The following COL26A1 variants were observed in gnomAD, a reference collection of about 807,000 sequenced individuals.
COL26A1 encodes collagen alpha-1(XXVI) chain.
In COL26A1, 41 loss-of-function variants were observed where a neutral mutation model predicts 59.3. The ratio of observed to expected loss-of-function variants is 0.69; its 90% CI spans 0.54 to 0.90. The LOEUF is 0.90. COL26A1 is among the 40% of genes least tolerant of loss of function. The pLI is 0.00. For synonymous variants in COL26A1, 266 were observed against 256.0 expected (o/e 1.04, Z -0.37); for missense variants, 612 against 602.3 (o/e 1.02, Z -0.17).
intron 10 of COL26A1, among the ~76,000 whole-genome samples, chr7:101,551,425 T>C (rs1311077675): frequency 6.6e-6 from 1 of 152,200 alleles, no homozygotes; most frequent in Admixed American, 6.5e-5. Flanking sequence ...CTGTGTGGCC[T>C]GGGGCCATAG....
chr7:101,370,466 G>A (rs1047775272), intron 1 of COL26A1, among the ~76,000 whole-genome samples: 6 of 151,926 alleles, frequency 3.9e-5, no homozygotes, highest in African/African-American at 1.5e-4. Flanking sequence ...CGCTTCCCAG[G>A]TTGAAGCGAT....
At chr7:101,488,834 G>A (rs568577304) in intron 3 of COL26A1, among the ~76,000 whole-genome samples, 7 of 152,076 alleles carry the variant, frequency 4.6e-5, no homozygotes, top group Non-Finnish European at 8.8e-5. Flanking sequence ...CCTGTCTAGC[G>A]CACTCTTCCA....
intron 5 of COL26A1, among the ~76,000 whole-genome samples, chr7:101,540,347 G>C (rs1297331390): frequency 1.3e-5 from 2 of 152,060 alleles, no homozygotes; most frequent in Non-Finnish European, 2.9e-5. Flanking sequence ...AGACCAGCCT[G>C]GCCAACATGG....
rs1485410292 is a variant in COL26A1, at chr7:101,545,342, C to T, written c.708C>T (p.Leu236=). ...GEKGPAGPPG[L]LGPPGPRGLP... is the part of the protein sequence containing the mutation. ...CTGTTCTTTTCCTCATTGCAGGGCT[C>T]CTGGGGCCTCCAGGGCCCCGTGGGC... is the stretch of plus-strand genomic sequence containing the variant. The change falls in exon 7 of 13, where the codon CTC becomes CTT. Residue 236 remains leucine (L), a synonymous_variant. Coordinates refer to ENST00000313669, the MANE Select transcript of COL26A1 (RefSeq NM_001278563.3). 3.8e-6 allele frequency: 6 copies of T among 1,566,876 alleles called. No homozygotes were observed. Among genetic ancestry groups the T allele is most frequent in the Non-Finnish European group, 5.2e-6 (6 of 1,164,244 alleles).
intron 2 of COL26A1, among the ~76,000 whole-genome samples, chr7:101,422,384 A>G (rs1387812396): frequency 1.3e-5 from 2 of 151,726 alleles, no homozygotes; most frequent in Admixed American, 6.6e-5. Context: ...AAAAAAAAAA[A>G]AAAAAAAAAA....
chr7:101,382,259 G>A (rs1791466806), intron 1 of COL26A1, among the ~76,000 whole-genome samples: 2 of 152,078 alleles, frequency 1.3e-5, no homozygotes, highest in Admixed American at 1.3e-4. Flanking sequence ...ATCTTGTCCA[G>A]GCTGGTCTCA....
intron 1 of COL26A1, among the ~76,000 whole-genome samples, chr7:101,407,737 A>G (rs180781904): frequency 4.6e-5 from 7 of 152,026 alleles, no homozygotes; most frequent in Non-Finnish European, 7.4e-5. Flanking sequence ...CCCTAGCACC[A>G]TAACGATTTA....
chr7:101,454,265 TTTC>T (rs996118302), intron 3 of COL26A1, among the ~76,000 whole-genome samples: 5 of 123,912 alleles, frequency 4.0e-5, no homozygotes, highest in African/African-American at 1.3e-4. Flanking sequence ...TTTTCTTTTC[TTTC>T]TTTTTTTTTT....
chr7:101,554,592 T>C (rs1161438367), intron 11 of COL26A1, among the ~76,000 whole-genome samples: 1 of 100,276 alleles, frequency 1.0e-5, no homozygotes, highest in African/African-American at 4.1e-5. Flanking sequence ...AAAAAAAAAG[T>C]AATGAGACAG....
At chr7:101,499,165 G>A (rs1172088480) in intron 3 of COL26A1, among the ~76,000 whole-genome samples, 1 of 152,192 alleles carries the variant, frequency 6.6e-6, no homozygotes, top group Non-Finnish European at 1.5e-5. Flanking sequence ...GGCACTGGCT[G>A]ACCTGGGGAC....
chr7:101,445,731 C>CAAA (rs138245779), intron 2 of COL26A1, among the ~76,000 whole-genome samples: 87 of 38,366 alleles, frequency 2.3e-3, no homozygotes, highest in Non-Finnish European at 2.8e-3. Context: ...GACTCCGTCT[C>CAAA]AAAAAAAAAA....
rs1343194178 is a variant in COL26A1 at position 101,489,690 on chromosome 7, T to C, written c.385+41903T>C. 2.1e-4 allele frequency among the ~76,000 whole-genome samples: 2 copies of C among 9,668 alleles called. 1 individual carries two copies. The allele number at this position is 9,668 out of a possible 152,430, so 6.3% of individuals were successfully genotyped here. A position where few individuals can be genotyped will look rare whatever the true frequency, so the allele number is the denominator to read the frequency against. On this transcript the variant is annotated intron_variant, in intron 3 of 12. Transcript: ENST00000313669. ...CTTCCTTCCTTCCTTCCTTTCTTTC[T>C]TTCTTTCTGTCTTTCTTTCTTTCAT...
intron 3 of COL26A1, among the ~76,000 whole-genome samples, chr7:101,452,116 C>T (rs577413833): frequency 2.9e-4 from 44 of 152,300 alleles, no homozygotes; most frequent in Middle Eastern, 3.4e-3. Flanking sequence ...CCTGGGGTGT[C>T]ATACGGCACG....
intron 2 of COL26A1, among the ~76,000 whole-genome samples, chr7:101,444,388 T>C (rs761349427): frequency 6.6e-5 from 10 of 151,288 alleles, no homozygotes; most frequent in Non-Finnish European, 1.2e-4. Context: ...CTAATTTCTT[T>C]CTTCCTTCCT....
At chr7:101,524,778 C>G (rs904152702) in intron 3 of COL26A1, among the ~76,000 whole-genome samples, 1 of 152,110 alleles carries the variant, frequency 6.6e-6, no homozygotes, top group African/African-American at 2.4e-5. Flanking sequence ...TCTTTATATT[C>G]CAGCCACCTT....
At chr7:101,478,498 A>G (rs1033939429) in intron 3 of COL26A1, among the ~76,000 whole-genome samples, 10 of 152,190 alleles carry the variant, frequency 6.6e-5, no homozygotes, top group Non-Finnish European at 1.0e-4. Context: ...TAAAACTCTG[A>G]ATCTCCAAAA....
chr7:101,538,726 C>T (rs1032272452), intron 4 of COL26A1, among the ~76,000 whole-genome samples: 1 of 152,124 alleles, frequency 6.6e-6, no homozygotes, highest in Non-Finnish European at 1.5e-5. Flanking sequence ...CCTGAGCAGC[C>T]GCTAAGTGCA....
chr7:101,536,645 G>T (rs1795488982), intron 4 of COL26A1, among the ~76,000 whole-genome samples: 1 of 152,232 alleles, frequency 6.6e-6, no homozygotes, highest in Non-Finnish European at 1.5e-5. Context: ...TGGGGCTTCT[G>T]CTCCCTTAGA....
intron 1 of COL26A1, among the ~76,000 whole-genome samples, chr7:101,396,406 C>G (rs1791855906): frequency 6.6e-6 from 1 of 152,150 alleles, no homozygotes; most frequent in Admixed American, 6.5e-5. Context: ...TTCCCAGCCC[C>G]TGACTGACTA....
Sources: allele counts gnomAD v4.1 joint callset (sites outside exome capture counted in the v4.1 genomes callset), GRCh38; gene constraint gnomAD v4.1.1; transcripts MANE v1.5; gene names NCBI Gene and HGNC (gene_info 2026-07-23, HGNC 2026-07-21).